DRP2: variants seen among roughly 807,000 people sequenced by gnomAD.
DRP2 encodes the protein dystrophin related protein 2, also known as dystrophin-related protein 2.
In DRP2, 29 loss-of-function variants were observed where a neutral mutation model predicts 78.2. That is an observed-to-expected ratio of 0.37 (90% CI 0.28 to 0.51). The LOEUF (loss-of-function observed/expected upper bound fraction) is 0.51, where lower values mean the gene tolerates loss of function less well. Ranked by LOEUF, DRP2 falls within the 20% of genes least tolerant of loss-of-function variation. The pLI is 0.94. For synonymous variants in DRP2, 290 were observed against 281.9 expected (o/e 1.03, Z -0.29); for missense variants, 686 against 770.6 (o/e 0.89, Z 1.30).
At position 101,248,279 on chromosome X, in the gene DRP2, T is replaced by C. The variant is rs1211146838; in HGVS notation, c.1443T>C (p.Asn481=). The change falls in exon 13 of 24, where the codon AAT becomes AAC. Residue 481 remains asparagine, a synonymous_variant. Coordinates refer to ENST00000395209, the MANE Select transcript of DRP2 (RefSeq NM_001939.3). The part of the protein sequence containing the change: ...CVDMSLNWLL[N]VFDSGRSGKM... ...ACATGAGCCTCAATTGGCTCCTCAA[T>C]GTTTTTGATAGGTAAGGGCTTTCAG... 2 of 1,210,600 alleles carry C rather than the reference T, an allele frequency of 1.7e-6. No homozygotes were observed. Among genetic ancestry groups the C allele is most frequent in the South Asian group, 1.8e-5 (1 of 56,940 alleles).
chrX:101,225,731 T>C (rs5967272), intron 2 of DRP2, among the ~76,000 whole-genome samples: 14,195 of 111,219 alleles, frequency 0.13, 693 homozygotes, highest in Middle Eastern at 0.18. Context: ...ATTAAATAGG[T>C]AATGTGTTCA....
intron 5 of DRP2, among the ~76,000 whole-genome samples, chrX:101,238,736 A>G (rs1298258235): frequency 9.0e-6 from 1 of 111,674 alleles, no homozygotes; most frequent in African/African-American, 3.3e-5. Context: ...CAAGATCCCC[A>G]CATTTTTCTC....
At chrX:101,251,245 A>T in intron 16 of DRP2, 162 bp downstream of exon 16, 1 of 502,260 alleles carries the variant, frequency 2.0e-6, no homozygotes. Context: ...CAGAATGTTT[A>T]ATTGTTTTTA....
chrX:101,250,779 A>C, intron 15 of DRP2, 138 bp from the exon 16 acceptor site: 1 of 941,054 alleles, frequency 1.1e-6, no homozygotes, highest in African/African-American at 1.9e-5. Context: ...CTCAACTAGC[A>C]CAGGGCAGAA....
At chrX:101,257,942 A>G (rs1923408910) in intron 21 of DRP2, among the ~76,000 whole-genome samples, 1 of 110,978 alleles carries the variant, frequency 9.0e-6, no homozygotes, top group African/African-American at 3.3e-5. Flanking sequence ...CTAAACATCT[A>G]AAAATGGAGT....
At chrX:101,247,193 C>T (rs372216000) in intron 12 of DRP2, 29 bp downstream of exon 12, 115 of 1,141,601 alleles carry the variant, frequency 1.0e-4, no homozygotes, top group African/African-American at 2.3e-4. Flanking sequence ...TTCCCTATGA[C>T]GTTCACCACC....
Position 101,250,484 on chromosome X carries a change from G to T in DRP2, c.1602G>T (p.Leu534=), listed in dbSNP as rs1923093953. The T allele has an allele frequency of 1.7e-6, 2 of 1,209,480 alleles. No individual in the cohort carries two copies. The highest frequency in any genetic ancestry group is 2.2e-6 in the Non-Finnish European group (2 of 895,085). ...SQCDQRHLGV[L]LHEAIQVPRQ... is the part of the protein sequence containing the mutation. ...GTGACCAGCGCCACCTTGGTGTCCT[G>T]CTTCATGAGGCCATTCAGGTGCCCC... Residue 534 remains leucine, a synonymous_variant, in exon 15 of 24, where the codon CTG becomes CTT. Transcript: ENST00000395209.
chrX:101,254,716 G>A, intron 18 of DRP2, 143 bp from the exon 19 acceptor site: 1 of 1,049,251 alleles, frequency 9.5e-7, no homozygotes, highest in African/African-American at 1.8e-5. Context: ...CTGCACTCTG[G>A]CCTGAGAAGT....
At position 101,254,435 on chromosome X, in the gene DRP2, G is replaced by A. The variant is rs1961896239; in HGVS notation, c.1988G>A (p.Ser663Asn). The A allele has an allele frequency of 1.7e-6, 2 of 1,211,909 alleles. No homozygotes were observed. The highest frequency in any genetic ancestry group is 2.2e-6 in the Non-Finnish European group (2 of 895,557). The change falls in exon 18 of 24, where the codon AGT becomes AAT. Residue 663 changes from serine to asparagine, a missense_variant. By Grantham distance (46) the Ser-to-Asn change is conservative (BLOSUM62 1). Around this residue, in one of 2 missense-constraint regions of DRP2, gnomAD observed 423 missense variants for 531.5 expected, o/e 0.80. Coordinates refer to ENST00000395209, the MANE Select transcript of DRP2 (RefSeq NM_001939.3). ...CTGTCTCCTCCTCAGACCACATCCA[G>A]TGAGAACATGAGGGACTTTGCCACA... ...IMEYYTPTTS[S>N]ENMRDFATTL...
intron 9 of DRP2, among the ~76,000 whole-genome samples, chrX:101,244,463 G>A (rs919581912): frequency 2.7e-5 from 3 of 111,814 alleles, no homozygotes; most frequent in African/African-American, 9.8e-5. Context: ...CAGTGAGCAA[G>A]CTGGCCATGT....
chrX:101,258,290 G>C lies in DRP2; in HGVS notation c.2391-19G>C, dbSNP rs1275704984. 3.5e-6 allele frequency: 4 copies of C among 1,152,466 alleles called. No homozygotes were observed. The highest frequency in any genetic ancestry group is 4.7e-6 in the Non-Finnish European group (4 of 860,193). The allele number at this position is 1,152,466 out of a possible 1,213,427, so 95.0% of individuals were successfully genotyped here. Reference sequence around the variant, plus strand: ...AGCCCTGTTAGAGCCATAGGTCTTGGTGTCTCTCTCCATGGCAGGATTCTC... The same window carrying C: ...AGCCCTGTTAGAGCCATAGGTCTTGCTGTCTCTCTCCATGGCAGGATTCTC... On this transcript the variant is annotated intron_variant, in intron 21 of 23. Transcript: ENST00000395209.
At chrX:101,239,204 T>C (rs1922624814) in intron 6 of DRP2, 103 bp downstream of exon 6, 2 of 1,021,367 alleles carry the variant, frequency 2.0e-6, no homozygotes, top group Non-Finnish European at 2.6e-6. Context: ...TTACCTGTTA[T>C]CTAGGAGGAT....
At chrX:101,250,784 G>A (rs1923108752) in intron 15 of DRP2, 133 bp from the exon 16 acceptor site, 1 of 957,530 alleles carries the variant, frequency 1.0e-6, no homozygotes, top group African/African-American at 1.9e-5. Context: ...CTAGCACAGG[G>A]CAGAACGTGA....
chrX:101,232,413 A>C (rs764308174), intron 3 of DRP2, among the ~76,000 whole-genome samples: 2 of 111,323 alleles, frequency 1.8e-5, no homozygotes, highest in Non-Finnish European at 3.8e-5. Context: ...ACGCATAAGC[A>C]TACTTTGGTT....
At chrX:101,251,425 T>C (rs923365230) in intron 16 of DRP2, 39 of 135,971 alleles carry the variant, frequency 2.9e-4, no homozygotes, top group Non-Finnish European at 3.6e-4. Context: ...ATCTGTAGCA[T>C]TTGCTAATTT....
intron 11 of DRP2, 131 bp downstream of exon 11, chrX:101,245,580 G>A (rs758556665): frequency 2.6e-4 from 136 of 526,828 alleles, no homozygotes; most frequent in Non-Finnish European, 3.8e-4. Context: ...CCTTTAGAAA[G>A]AAGGAAATAC....
intron 4 of DRP2, among the ~76,000 whole-genome samples, chrX:101,236,906 A>G (rs769280982): frequency 2.7e-5 from 3 of 111,560 alleles, no homozygotes; most frequent in East Asian, 2.8e-4. Flanking sequence ...GAATAAAGAT[A>G]GTTATTATTG....
intron 9 of DRP2, among the ~76,000 whole-genome samples, chrX:101,243,878 G>A (rs1461506027): frequency 8.9e-6 from 1 of 111,838 alleles, no homozygotes; most frequent in Non-Finnish European, 1.9e-5. Flanking sequence ...TGGCAATTGA[G>A]CAGAGGTCTA....
rs191144884 is a variant in DRP2 at position 101,260,590 on chromosome X, A to G, written c.2843A>G (p.Asp948Gly). ...RHAFPSVRSS[D>G]VTANTLLAS The stretch of plus-strand genomic sequence containing the variant: ...GCCTTCCCCAGTGTGCGAAGTTCTG[A>G]TGTGACTGCCAACACCCTGCTGGCC... Residue 948 changes from aspartate to glycine, a missense_variant, in exon 24 of 24, where the codon GAT becomes GGT. Transcript: ENST00000395209. 5 of 1,209,308 alleles carry G rather than the reference A, an allele frequency of 4.1e-6. No homozygotes were observed. The East Asian group carries it at 1.5e-4, about 36-fold the overall frequency.
Sources: allele counts gnomAD v4.1 joint callset (sites outside exome capture counted in the v4.1 genomes callset), GRCh38; gene constraint gnomAD v4.1.1; regional missense constraint gnomAD v4.1.1; transcripts MANE v1.5; gene names NCBI Gene and HGNC (gene_info 2026-07-23, HGNC 2026-07-21).